Variants in TBC1D8 observed in about 807,000 individuals in gnomAD.
TBC1D8 encodes the protein TBC1 domain family member 8.
In TBC1D8, 65 loss-of-function variants were observed where a neutral mutation model predicts 118.8. The ratio of observed to expected loss-of-function variants is 0.55; its 90% CI spans 0.45 to 0.67. TBC1D8 has a LOEUF of 0.67. Ranked by LOEUF, TBC1D8 falls within the 30% of genes least tolerant of loss-of-function variation. The pLI is 0.00. For missense variants in TBC1D8, 1,376 were observed against 1,471.2 expected, an observed-to-expected ratio of 0.94 and a Z score of 1.06; for synonymous variants, 566 against 595.8, an observed-to-expected ratio of 0.95 and a Z score of 0.73.
intron 5 of TBC1D8, among the ~76,000 whole-genome samples, chr2:101,047,203 C>T (rs933969404): frequency 2.0e-5 from 3 of 152,202 alleles, no homozygotes; most frequent in Non-Finnish European, 2.9e-5. Flanking sequence ...GTGACTCCCA[C>T]GCCTGGCAAC....
chr2:101,066,411 T>C (rs1683017242), intron 2 of TBC1D8, among the ~76,000 whole-genome samples: 1 of 152,114 alleles, frequency 6.6e-6, no homozygotes, highest in Non-Finnish European at 1.5e-5. Context: ...CCTTTAGGAA[T>C]GAGAAATATG....
intron 1 of TBC1D8, among the ~76,000 whole-genome samples, chr2:101,094,197 C>T (rs1028182895): frequency 1.3e-5 from 2 of 152,138 alleles, no homozygotes; most frequent in South Asian, 4.1e-4. Flanking sequence ...GCTCAGAATT[C>T]CTGCCCCCTT....
chr2:101,025,086 G>A lies in TBC1D8; in HGVS notation c.2520+2297C>T, dbSNP rs117909813. Among the ~76,000 whole-genome samples, 799 of 152,070 alleles carry A rather than the reference G, an allele frequency of 5.3e-3. 9 individuals are homozygous for A. The East Asian group carries it at 0.056, about 11-fold the overall frequency. ...TTCTATGTGGGAAAGAAAAGTAAGTGTGTGTGTATGTATTGTAGGCATGTG... is the reference window on the plus strand; with the variant it reads ...TTCTATGTGGGAAAGAAAAGTAAGTATGTGTGTATGTATTGTAGGCATGTG... On this transcript the variant is annotated intron_variant, in intron 15 of 19. Transcript: ENST00000409318.
Position 101,054,760 on chromosome 2 carries a change from G to A in TBC1D8, c.403-424C>T, listed in dbSNP as rs971926863. Among the ~76,000 whole-genome samples the A allele has an allele frequency of 1.2e-4, 15 of 129,430 alleles. No homozygotes were observed. The East Asian group carries it at 1.5e-3, about 13-fold the overall frequency. 84.9% of individuals were successfully genotyped at this position (129,430 alleles called of 152,430 possible). ...TGCAGTGGCACGATCTCAACTCACC[G>A]CAACCTCCACCTCCTGGGTTCAAGT... is the stretch of plus-strand genomic sequence containing the variant. On this transcript the variant is annotated intron_variant, in intron 3 of 19. Coordinates refer to ENST00000409318, the MANE Select transcript of TBC1D8 (RefSeq NM_001330348.2).
In TBC1D8 at chr2:101,061,208, A is replaced by C. The variant is rs1159206249; in HGVS notation, c.284-1669T>G. Among the ~76,000 whole-genome samples the C allele has an allele frequency of 1.3e-5, 2 of 151,070 alleles. 1 individual carries two copies. The highest frequency in any genetic ancestry group is 4.2e-4 in the South Asian group (2 of 4,750). On this transcript the variant is annotated intron_variant, in intron 2 of 19. Coordinates refer to ENST00000409318, the MANE Select transcript of TBC1D8 (RefSeq NM_001330348.2). ...GTCTCAAAAAAAAAAAAAAAAAAAA[A>C]AAGCCAGGCATGCATTTTGCTCAGT... is the stretch of plus-strand genomic sequence containing the variant.
At chr2:101,050,816 C>T (rs1442369948) in intron 4 of TBC1D8, among the ~76,000 whole-genome samples, 175 bp from the exon 5 acceptor site, 2 of 152,158 alleles carry the variant, frequency 1.3e-5, no homozygotes, top group South Asian at 4.1e-4. Flanking sequence ...TACAGGTAAA[C>T]TCATGTCATG....
At chr2:101,113,490 G>C (rs1202717118) in intron 1 of TBC1D8, among the ~76,000 whole-genome samples, 1 of 152,092 alleles carries the variant, frequency 6.6e-6, no homozygotes, top group African/African-American at 2.4e-5. Context: ...TGTTAAACTT[G>C]TTCAGCGAGA....
At chr2:101,052,796 A>G (rs1365825865) in intron 4 of TBC1D8, among the ~76,000 whole-genome samples, 1 of 152,160 alleles carries the variant, frequency 6.6e-6, no homozygotes, top group African/African-American at 2.4e-5. Flanking sequence ...GACTGTTTTT[A>G]TTTTTACCAT....
chr2:101,084,849 A>ATTTTT (rs70943062), intron 2 of TBC1D8, among the ~76,000 whole-genome samples: 1 of 136,360 alleles, frequency 7.3e-6, no homozygotes, highest in Non-Finnish European at 1.6e-5. Flanking sequence ...GGTATTCACT[A>ATTTTT]TTTTTTTTTT....
chr2:101,041,813 C>T (rs1681402278), intron 5 of TBC1D8, among the ~76,000 whole-genome samples: 1 of 152,004 alleles, frequency 6.6e-6, no homozygotes, highest in South Asian at 2.1e-4. Flanking sequence ...CACTTGAGCT[C>T]AGGAGTTTGA....
At chr2:101,133,664 G>A (rs1678700750) in intron 1 of TBC1D8, among the ~76,000 whole-genome samples, 1 of 152,074 alleles carries the variant, frequency 6.6e-6, no homozygotes, top group Non-Finnish European at 1.5e-5. Context: ...AATCAGGAAG[G>A]CTCCACCCTC....
chr2:101,034,860 C>T (rs1218783381), intron 9 of TBC1D8, among the ~76,000 whole-genome samples: 7 of 152,070 alleles, frequency 4.6e-5, no homozygotes, highest in Non-Finnish European at 1.0e-4. Context: ...TTCAACACTG[C>T]GCCTCTGGAA....
intron 2 of TBC1D8, among the ~76,000 whole-genome samples, chr2:101,088,837 G>A (rs1675816292): frequency 6.6e-6 from 1 of 152,100 alleles, no homozygotes; most frequent in South Asian, 2.1e-4. Context: ...CTCCCAAAGT[G>A]CTGTGATTAC....
chr2:101,131,569 C>T (rs1678592519), intron 1 of TBC1D8, among the ~76,000 whole-genome samples: 1 of 151,958 alleles, frequency 6.6e-6, no homozygotes, highest in East Asian at 1.9e-4. Context: ...AATCCCAGCA[C>T]TTTGGGAGGC....
intron 4 of TBC1D8, among the ~76,000 whole-genome samples, chr2:101,051,697 A>G (rs1191568703): frequency 6.6e-6 from 1 of 152,194 alleles, no homozygotes; most frequent in East Asian, 1.9e-4. Flanking sequence ...CAACAAGCAT[A>G]TGGAAAAAAA....
intron 10 of TBC1D8, 136 bp downstream of exon 10, chr2:101,033,408 G>A (rs771446982): frequency 4.4e-5 from 46 of 1,045,914 alleles, no homozygotes; most frequent in South Asian, 2.6e-4. Flanking sequence ...CTTTCTTTCC[G>A]GAAAGGGACC....
At position 101,022,623 on chromosome 2, in the gene TBC1D8, C is replaced by G. The variant is rs1227935480; in HGVS notation, c.2521-102G>C. 22 of 1,449,874 alleles carry G rather than the reference C, an allele frequency of 1.5e-5. No individual in the cohort carries two copies. The East Asian group carries it at 2.3e-4, about 15-fold the overall frequency. The allele number at this position is 1,449,874 out of a possible 1,614,324, so 89.8% of individuals were successfully genotyped here. On this transcript the variant is annotated intron_variant, in intron 15 of 19. Coordinates refer to ENST00000409318, the MANE Select transcript of TBC1D8 (RefSeq NM_001330348.2). Reference sequence around the variant, plus strand: ...ATAAATTACTCACAATCTCACCACTCTAACTGGATACGTAAAAGTGTTCCC... The same window carrying G: ...ATAAATTACTCACAATCTCACCACTGTAACTGGATACGTAAAAGTGTTCCC...
chr2:101,041,335 C>G (rs1040596239), intron 5 of TBC1D8, among the ~76,000 whole-genome samples: 1 of 152,068 alleles, frequency 6.6e-6, no homozygotes, highest in African/African-American at 2.4e-5. Flanking sequence ...TCCATACAAT[C>G]AAATATTGTT....
chr2:101,010,528 G>A (rs1043150606), intron 19 of TBC1D8, among the ~76,000 whole-genome samples: 7 of 151,774 alleles, frequency 4.6e-5, no homozygotes, highest in African/African-American at 1.5e-4. Context: ...ATGATGTTCC[G>A]CTACCTGGAC....
Sources: gnomAD v4.1 joint callset for allele counts (sites outside exome capture counted in the v4.1 genomes callset) on GRCh38, gnomAD v4.1.1 for gene constraint, MANE v1.5 for transcripts, NCBI Gene and HGNC (gene_info 2026-07-23, HGNC 2026-07-21) for gene names.